Variants in MGLL observed in about 807,000 individuals in gnomAD.
The protein encoded by MGLL is monoglyceride lipase.
MGLL carries 7 observed loss-of-function variants against 29.1 expected under a neutral mutation model. That is an observed-to-expected ratio of 0.24 (90% CI 0.14 to 0.45). The LOEUF (loss-of-function observed/expected upper bound fraction) is 0.45. Ranked by LOEUF, MGLL falls within the 20% of genes least tolerant of loss-of-function variation. The probability of loss-of-function intolerance (pLI) is 0.99; values close to 1 mark genes in which losing one functional copy is unlikely to be tolerated. For synonymous variants in MGLL, 148 were observed against 168.3 expected (o/e 0.88, Z 0.93); for missense variants, 356 against 413.6 (o/e 0.86, Z 1.21).
At chr3:127,693,383 T>G (rs554012520) in intron 7 of MGLL, among the ~76,000 whole-genome samples, 44 of 152,222 alleles carry the variant, frequency 2.9e-4, no homozygotes, top group Non-Finnish European at 5.6e-4. Context: ...CTCCTTGGCT[T>G]GAAATGCTCA....
At chr3:127,705,716 T>C (rs2075587483) in intron 6 of MGLL, among the ~76,000 whole-genome samples, 1 of 146,562 alleles carries the variant, frequency 6.8e-6, no homozygotes, top group African/African-American at 2.6e-5. Context: ...GTGGAGGTTG[T>C]GGTAAGCCAA....
intron 5 of MGLL, 127 bp downstream of exon 5, chr3:127,720,926 C>A: frequency 2.5e-6 from 2 of 805,054 alleles, no homozygotes; most frequent in South Asian, 2.9e-5. Flanking sequence ...TTTGTCCAAC[C>A]CCTCACGCAA....
At chr3:127,757,968 T>C (rs928856716) in intron 3 of MGLL, among the ~76,000 whole-genome samples, 1 of 152,214 alleles carries the variant, frequency 6.6e-6, no homozygotes, top group African/African-American at 2.4e-5. Context: ...GGGGCTTCTG[T>C]TCCTGTTTTA....
chr3:127,767,787 C>T (rs536222036), intron 3 of MGLL, among the ~76,000 whole-genome samples: 1 of 152,330 alleles, frequency 6.6e-6, no homozygotes, highest in South Asian at 2.1e-4. Flanking sequence ...AATTCAAACA[C>T]TTTTCAGTAC....
intron 7 of MGLL, 128 bp from the exon 8 acceptor site, chr3:127,692,451 C>T (rs572132126): frequency 6.0e-5 from 69 of 1,141,656 alleles, no homozygotes; most frequent in Middle Eastern, 2.6e-4. Context: ...GAGGACCTGG[C>T]CCTGACCTCC....
intron 7 of MGLL, 29 bp downstream of exon 7, chr3:127,694,946 G>A: frequency 1.9e-6 from 3 of 1,607,606 alleles, no homozygotes; most frequent in East Asian, 2.2e-5. Context: ...TCCACCTTGG[G>A]GGGAAGTGGG....
intron 3 of MGLL, among the ~76,000 whole-genome samples, chr3:127,727,095 C>T (rs16826716): frequency 0.11 from 16,367 of 152,184 alleles, 1,015 homozygotes; most frequent in African/African-American, 0.17. Flanking sequence ...GATTGTTTCC[C>T]GTCATGGTCT....
At chr3:127,778,970 G>T (rs1163849139) in intron 3 of MGLL, among the ~76,000 whole-genome samples, 1 of 152,070 alleles carries the variant, frequency 6.6e-6, no homozygotes, top group African/African-American at 2.4e-5. Context: ...GCCTGGGCTG[G>T]TCTCAAACTC....
intron 2 of MGLL, among the ~76,000 whole-genome samples, chr3:127,820,252 T>C (rs2077834760): frequency 6.6e-6 from 1 of 152,198 alleles, no homozygotes; most frequent in Admixed American, 6.5e-5. Flanking sequence ...CATCTCTAAC[T>C]AGAGCAAAAG....
intron 4 of MGLL, 147 bp from the exon 5 acceptor site, chr3:127,721,310 T>C (rs189518299): frequency 4.6e-6 from 3 of 658,686 alleles, no homozygotes; most frequent in Admixed American, 5.2e-5. Flanking sequence ...CCATCAAATG[T>C]TGGCTAAACT....
At chr3:127,712,853 G>A (rs1416829328) in intron 5 of MGLL, 5 of 152,290 alleles carry the variant, frequency 3.3e-5, no homozygotes, top group Admixed American at 3.3e-4. Flanking sequence ...TCTGCACAAG[G>A]ACTGGGGTAT....
chr3:127,806,280 G>A (rs2077563874), intron 2 of MGLL, among the ~76,000 whole-genome samples: 2 of 152,246 alleles, frequency 1.3e-5, no homozygotes, highest in African/African-American at 4.8e-5. Flanking sequence ...CAGGGACCAT[G>A]GGGTCTTAAT....
chr3:127,721,005 T>G, intron 5 of MGLL, 48 bp downstream of exon 5: 2 of 1,502,550 alleles, frequency 1.3e-6, no homozygotes, highest in Non-Finnish European at 1.9e-6. Flanking sequence ...GGAAGACCCA[T>G]GTCCCGGGGA....
chr3:127,757,122 G>A (rs1438047752), intron 3 of MGLL, among the ~76,000 whole-genome samples: 2 of 152,204 alleles, frequency 1.3e-5, no homozygotes, highest in African/African-American at 4.8e-5. Context: ...AACAGCTTCT[G>A]CTGTTGTCCT....
intron 3 of MGLL, among the ~76,000 whole-genome samples, chr3:127,730,382 C>T: frequency 6.6e-6 from 1 of 152,184 alleles, no homozygotes; most frequent in South Asian, 2.1e-4. Flanking sequence ...TCTACTTGTT[C>T]CTCTGCCACA....
chr3:127,737,228 T>C (rs939515628), intron 3 of MGLL, among the ~76,000 whole-genome samples: 1 of 151,154 alleles, frequency 6.6e-6, no homozygotes, highest in Non-Finnish European at 1.5e-5. Context: ...CTGTGTGCCC[T>C]GCTCTGTGCT....
At chr3:127,735,680 G>T in intron 3 of MGLL, 2 of 1,585,300 alleles carry the variant, frequency 1.3e-6, no homozygotes, top group Non-Finnish European at 1.7e-6. Context: ...GTTGTTGGGG[G>T]AATAAATGAA....
intron 3 of MGLL, among the ~76,000 whole-genome samples, chr3:127,775,467 A>T (rs2077018032): frequency 1.3e-5 from 2 of 152,042 alleles, no homozygotes; most frequent in African/African-American, 4.8e-5. Context: ...ATTCCCCCTG[A>T]ATTTCCTAAA....
Position 127,821,731 on chromosome 3 carries a change from G to A in MGLL, c.118C>T (p.Leu40Phe). The A allele has an allele frequency of 6.2e-7, 1 of 1,614,142 alleles. No individual in the cohort carries two copies. Among genetic ancestry groups the A allele is most frequent in the East Asian group, 2.2e-5 (1 of 44,878 alleles). Residue 40 changes from leucine (L) to phenylalanine (F), a missense_variant, in exon 2 of 8, where the codon CTC becomes TTC. Leu to Phe is a conservative substitution (Grantham distance 22, BLOSUM62 0). Coordinates refer to ENST00000265052, the MANE Select transcript of MGLL (RefSeq NM_007283.7). ...GTGGGTTTCCAGTACCTGCAGAAGA[G>A]GTACTGTCCGTCTGCATTGACCAGG... ...PHLVNADGQYLFCRYWKPTGT... is the reference protein window; with the variant it reads ...PHLVNADGQYFFCRYWKPTGT...
Sources: allele counts gnomAD v4.1 joint callset (sites outside exome capture counted in the v4.1 genomes callset), GRCh38; gene constraint gnomAD v4.1.1; transcripts MANE v1.5; gene names NCBI Gene and HGNC (gene_info 2026-07-23, HGNC 2026-07-21).